Variants in PTPRN2 observed in about 807,000 individuals in gnomAD.
PTPRN2 encodes receptor-type tyrosine-protein phosphatase N2.
Under a neutral mutation model 118.8 loss-of-function variants are expected in PTPRN2, and 74 were observed. The ratio of observed to expected loss-of-function variants is 0.62; its 90% CI spans 0.52 to 0.76. The LOEUF (loss-of-function observed/expected upper bound fraction) is 0.76, where lower values mean the gene tolerates loss of function less well. Among genes scored for constraint, PTPRN2 ranks in the 30% least tolerant of loss-of-function variants. The pLI is 0.00. For missense variants in PTPRN2, 1,481 were observed against 1,394.4 expected, an observed-to-expected ratio of 1.06 and a Z score of -0.99; for synonymous variants, 641 against 608.0, an observed-to-expected ratio of 1.05 and a Z score of -0.80.
intron 13 of PTPRN2, among the ~76,000 whole-genome samples, chr7:157,678,435 T>C (rs1214515929): frequency 6.6e-6 from 1 of 152,164 alleles, no homozygotes; most frequent in East Asian, 1.9e-4. Context: ...AACGGTCTCT[T>C]AAAGCCCCAG....
intron 3 of PTPRN2, among the ~76,000 whole-genome samples, chr7:158,314,865 A>C (rs1025049760): frequency 1.3e-5 from 2 of 150,114 alleles, no homozygotes; most frequent in Non-Finnish European, 3.0e-5. Flanking sequence ...GAACCCCTGT[A>C]GGACAGAGGT....
At chr7:158,429,348 C>T (rs1166370015) in intron 2 of PTPRN2, among the ~76,000 whole-genome samples, 2 of 152,232 alleles carry the variant, frequency 1.3e-5, no homozygotes, top group Non-Finnish European at 2.9e-5. Flanking sequence ...AGGCTCTCCA[C>T]GCTGGTCCTT....
At position 158,406,562 on chromosome 7, in the gene PTPRN2, C is replaced by T. The variant is rs528986476; in HGVS notation, c.163+83173G>A. On this transcript the variant is annotated intron_variant, in intron 2 of 22. Transcript: ENST00000389418. ...TGCCTGGAGCCCCCTGCATCATCAT[C>T]GGCTCCTTCCCCAGGGCAGGTGCCG... Among the ~76,000 whole-genome samples, 39 of 152,380 alleles carry T rather than the reference C, an allele frequency of 2.6e-4. 1 individual carries two copies. Among genetic ancestry groups the T allele is most frequent in the African/African-American group, 9.4e-4 (39 of 41,594 alleles).
intron 2 of PTPRN2, among the ~76,000 whole-genome samples, chr7:158,444,937 G>A (rs544769098): frequency 1.0e-3 from 155 of 152,054 alleles, no homozygotes; most frequent in Non-Finnish European, 1.8e-3. Context: ...TTGAAAACGC[G>A]GCCGCACCCG....
intron 14 of PTPRN2, among the ~76,000 whole-genome samples, chr7:157,624,833 T>C (rs1187632158): frequency 6.6e-6 from 1 of 152,224 alleles, no homozygotes; most frequent in Admixed American, 6.5e-5. Flanking sequence ...GTAGTGGGCA[T>C]TTAGCTATAG....
At chr7:158,333,010 A>T (rs1298152307) in intron 2 of PTPRN2, among the ~76,000 whole-genome samples, 1 of 124,934 alleles carries the variant, frequency 8.0e-6, no homozygotes, top group African/African-American at 3.6e-5. Flanking sequence ...CCACACTCTC[A>T]CCATAAGAGC....
At chr7:157,662,127 G>A (rs886558559) in intron 13 of PTPRN2, among the ~76,000 whole-genome samples, 13 of 152,176 alleles carry the variant, frequency 8.5e-5, no homozygotes, top group Non-Finnish European at 2.9e-5. Context: ...CTTACTGACT[G>A]TGTGGCCTTG....
intron 22 of PTPRN2, among the ~76,000 whole-genome samples, chr7:157,545,169 G>C (rs1798233986): frequency 6.7e-6 from 1 of 148,978 alleles, no homozygotes; most frequent in African/African-American, 2.5e-5. Flanking sequence ...GCAGTGTGTG[G>C]CTGAGTGGTG....
chr7:158,049,161 T>G (rs1809142542), intron 11 of PTPRN2, among the ~76,000 whole-genome samples: 1 of 1,298 alleles, frequency 7.7e-4, no homozygotes, highest in Admixed American at 8.9e-3. Context: ...ACCATCACCA[T>G]CAATCATCAT....
chr7:157,541,658 G>A (rs1261317560), intron 22 of PTPRN2, among the ~76,000 whole-genome samples: 3 of 152,214 alleles, frequency 2.0e-5, no homozygotes, highest in South Asian at 2.1e-4. Context: ...ACGCGTGGAC[G>A]GAAACAACAC....
chr7:158,209,343 G>A lies in PTPRN2; in HGVS notation c.278-4070C>T, dbSNP rs557468885. Among the ~76,000 whole-genome samples, 18 of 152,092 alleles carry A rather than the reference G, an allele frequency of 1.2e-4. No individual in the cohort carries two copies. In the East Asian group the frequency reaches 2.9e-3, roughly 25 times the overall value. On this transcript the variant is annotated intron_variant, in intron 3 of 22. Coordinates refer to ENST00000389418, the MANE Select transcript of PTPRN2 (RefSeq NM_002847.5). The stretch of plus-strand genomic sequence containing the variant: ...TATAAAGACAAATATAGACTAAAAA[G>A]AAAGGGATGGAAAAAGATAATCCGT...
chr7:158,130,657 T>G (rs1818124419), intron 9 of PTPRN2, among the ~76,000 whole-genome samples: 1 of 138,328 alleles, frequency 7.2e-6, no homozygotes, highest in Non-Finnish European at 1.5e-5. Context: ...CACATCTACC[T>G]GACTCATACA....
At chr7:158,193,689 A>G (rs1315473849) in intron 4 of PTPRN2, among the ~76,000 whole-genome samples, 1 of 152,076 alleles carries the variant, frequency 6.6e-6, no homozygotes, top group Non-Finnish European at 1.5e-5. Context: ...GCTCACCCGC[A>G]GACTCTGCCG....
rs1213286278 is a variant in PTPRN2 at position 158,205,189 on chromosome 7, T to C, written c.362A>G (p.Glu121Gly). 1 of 1,614,040 alleles carries C rather than the reference T, an allele frequency of 6.2e-7. No homozygotes were observed. Among genetic ancestry groups the C allele is most frequent in the East Asian group, 2.2e-5 (1 of 44,882 alleles). The change falls in exon 4 of 23, where the codon GAA becomes GGA. Residue 121 changes from glutamate to glycine, a missense_variant. By Grantham distance (98) the Glu-to-Gly change is moderately conservative. This residue lies in a region of PTPRN2 where 1,115 missense variants were observed against 994.2 expected (regional missense o/e 1.12). Transcript: ENST00000389418. ...CACTTACCTGGCTGGGCTGGATGCT[T>C]CAGGACGCCTCAGGTAGGTTTTCGG... ...DLPKTYLRRP[E>G]ASSPARPSKH...
chr7:158,305,792 C>CAAAAAAAAAAAAAAAA (rs113374723), intron 3 of PTPRN2, among the ~76,000 whole-genome samples: 1 of 116,232 alleles, frequency 8.6e-6, no homozygotes, highest in African/African-American at 3.0e-5. Flanking sequence ...GCAATTTACT[C>CAAAAAAAAAAAAAAAA]AAAAAAAAAA....
chr7:158,411,729 C>T (rs1260394563), intron 2 of PTPRN2, among the ~76,000 whole-genome samples: 1 of 152,226 alleles, frequency 6.6e-6, no homozygotes, highest in African/African-American at 2.4e-5. Context: ...ACACCCGCCT[C>T]AGATGGGAGC....
intron 6 of PTPRN2, among the ~76,000 whole-genome samples, chr7:158,149,490 A>T (rs1167238489): frequency 1.3e-5 from 2 of 152,118 alleles, no homozygotes; most frequent in East Asian, 1.9e-4. Flanking sequence ...AGGCAATCCA[A>T]TTAACTCACT....
rs1800735931 is a variant in PTPRN2, at chr7:157,587,273, G to GTCA, written c.2496+7964_2496+7965insTGA. On this transcript the variant is annotated intron_variant, in intron 17 of 22. Coordinates refer to ENST00000389418, the MANE Select transcript of PTPRN2 (RefSeq NM_002847.5). This position sits in a 1 kb window ranked among gnomAD's most constrained non-coding sequence, Gnocchi z 5.3. ...AGGCAGACAGACAGGCAGACAAACA[G>GTCA]GCAGACAGGCAGACGAGCCACTGGT... Among the ~76,000 whole-genome samples, 1 of 137,688 alleles carries GTCA rather than the reference G, an allele frequency of 7.3e-6. No individual in the cohort carries two copies. The highest frequency in any genetic ancestry group is 3.0e-5 in the African/African-American group (1 of 32,998). The allele number at this position is 137,688 out of a possible 152,430, so 90.3% of individuals were successfully genotyped here.
chr7:157,887,852 C>T (rs904783105), intron 12 of PTPRN2, among the ~76,000 whole-genome samples: 5 of 138,444 alleles, frequency 3.6e-5, no homozygotes, highest in Non-Finnish European at 6.3e-5. Context: ...CCAATACCTG[C>T]TCCACCCAGT....
Sources: gnomAD v4.1 joint callset for allele counts (sites outside exome capture counted in the v4.1 genomes callset) on GRCh38, gnomAD v4.1.1 for gene constraint, gnomAD v4.1.1 regional missense constraint, Gnocchi (gnomAD v3.1) non-coding constraint, MANE v1.5 for transcripts, NCBI Gene and HGNC (gene_info 2026-07-23, HGNC 2026-07-21) for gene names.